The following FGF14 variants were observed in gnomAD, a reference collection of about 807,000 sequenced individuals.
The protein encoded by FGF14 is fibroblast growth factor 14.
In FGF14, 5 loss-of-function variants were observed where a neutral mutation model predicts 25.5. The ratio of observed to expected loss-of-function variants is 0.20; its 90% CI spans 0.10 to 0.41. The LOEUF (loss-of-function observed/expected upper bound fraction) is 0.41. FGF14 is among the 10% of genes least tolerant of loss of function. The pLI, the probability that FGF14 is intolerant of heterozygous loss-of-function variation, is 1.00. For missense variants in FGF14, 222 were observed against 320.1 expected, an observed-to-expected ratio of 0.69 and a Z score of 2.34; for synonymous variants, 138 against 118.3, an observed-to-expected ratio of 1.17 and a Z score of -1.08.
intron 1 of FGF14, among the ~76,000 whole-genome samples, chr13:102,137,229 C>A (rs2140439075): frequency 6.6e-6 from 1 of 152,288 alleles, no homozygotes. Flanking sequence ...TTTCAGACAT[C>A]TATCCCTCTT....
At chr13:102,052,031 C>A (rs546324808) in intron 1 of FGF14, among the ~76,000 whole-genome samples, 1 of 152,104 alleles carries the variant, frequency 6.6e-6, no homozygotes, top group East Asian at 1.9e-4. Context: ...CAATGAATTA[C>A]CAACACAAAA....
At chr13:101,977,359 C>T (rs2037991026) in intron 1 of FGF14, among the ~76,000 whole-genome samples, 1 of 152,060 alleles carries the variant, frequency 6.6e-6, no homozygotes, top group African/African-American at 2.4e-5. Context: ...TTTTCCTGAT[C>T]ATCTTTTCTA....
intron 1 of FGF14, among the ~76,000 whole-genome samples, chr13:101,895,042 C>G (rs1000672108): frequency 9.2e-5 from 14 of 152,148 alleles, no homozygotes; most frequent in African/African-American, 3.4e-4. Flanking sequence ...AAATCTGGAA[C>G]TCTTAAATTA....
chr13:101,730,257 C>A (rs1240823223), intron 3 of FGF14, among the ~76,000 whole-genome samples: 3 of 152,168 alleles, frequency 2.0e-5, no homozygotes, highest in Admixed American at 2.0e-4. Flanking sequence ...ATGTTTTCAA[C>A]CCTAATCTCT....
At chr13:101,897,578 T>C (rs1248738973) in intron 1 of FGF14, among the ~76,000 whole-genome samples, 1 of 152,194 alleles carries the variant, frequency 6.6e-6, no homozygotes, top group Non-Finnish European at 1.5e-5. Flanking sequence ...CTTTAAGAGC[T>C]AAGTCATAAT....
intron 1 of FGF14, among the ~76,000 whole-genome samples, chr13:101,983,797 T>A (rs907391536): frequency 6.6e-6 from 1 of 152,138 alleles, no homozygotes; most frequent in Non-Finnish European, 1.5e-5. Context: ...AAAAATAAGA[T>A]AAGGCCTTGG....
chr13:102,276,177 T>C (rs2053528322), intron 1 of FGF14, among the ~76,000 whole-genome samples: 1 of 151,428 alleles, frequency 6.6e-6, no homozygotes, highest in Non-Finnish European at 1.5e-5. Context: ...TGCATAATTC[T>C]GAGATAATGT....
At chr13:102,385,873 T>A (rs1319513020) in intron 1 of FGF14, among the ~76,000 whole-genome samples, 1 of 152,188 alleles carries the variant, frequency 6.6e-6, no homozygotes, top group African/African-American at 2.4e-5. Context: ...AACAAAAATT[T>A]AACCTGTGAA....
chr13:101,889,043 C>G (rs886777076), intron 1 of FGF14, among the ~76,000 whole-genome samples: 1 of 152,102 alleles, frequency 6.6e-6, no homozygotes, highest in African/African-American at 2.4e-5. Flanking sequence ...TAAAAGACCA[C>G]AGGTAGACCC....
chr13:102,252,825 C>A (rs538542351), intron 1 of FGF14, among the ~76,000 whole-genome samples: 1 of 152,100 alleles, frequency 6.6e-6, no homozygotes, highest in Non-Finnish European at 1.5e-5. Flanking sequence ...CCTTAGCTCC[C>A]CACCCCACAA....
chr13:102,105,860 G>T (rs1380133539), intron 1 of FGF14, among the ~76,000 whole-genome samples: 1 of 152,096 alleles, frequency 6.6e-6, no homozygotes, highest in Non-Finnish European at 1.5e-5. Flanking sequence ...TGCATAATGT[G>T]TTTGTTTTAA....
At chr13:102,007,469 G>A (rs2039865191) in intron 1 of FGF14, among the ~76,000 whole-genome samples, 1 of 152,146 alleles carries the variant, frequency 6.6e-6, no homozygotes, top group Non-Finnish European at 1.5e-5. Context: ...ACAAAACTGG[G>A]CAGAGTATAG....
chr13:102,137,668 A>C (rs529768644), intron 1 of FGF14, among the ~76,000 whole-genome samples: 1 of 152,228 alleles, frequency 6.6e-6, no homozygotes, highest in East Asian at 1.9e-4. Context: ...TACTCTCAAA[A>C]TGTCTTTGTT....
intron 1 of FGF14, among the ~76,000 whole-genome samples, chr13:101,987,568 T>C (rs2038659839): frequency 1.3e-5 from 2 of 152,148 alleles, no homozygotes; most frequent in Non-Finnish European, 2.9e-5. Flanking sequence ...ATCACATAAT[T>C]TATATAAGAA....
At chr13:101,768,700 A>G (rs189407547) in intron 3 of FGF14, among the ~76,000 whole-genome samples, 28 of 152,284 alleles carry the variant, frequency 1.8e-4, no homozygotes, top group Non-Finnish European at 3.4e-4. Context: ...CAAAGGAACA[A>G]AAGCAATACA....
intron 1 of FGF14, among the ~76,000 whole-genome samples, chr13:102,160,023 G>T (rs776973267): frequency 5.3e-5 from 8 of 152,124 alleles, no homozygotes; most frequent in Non-Finnish European, 1.0e-4. Flanking sequence ...TACAGCTTCA[G>T]TCTCATCTCT....
intron 1 of FGF14, among the ~76,000 whole-genome samples, chr13:102,237,390 A>G (rs1458717455): frequency 6.6e-6 from 1 of 152,196 alleles, no homozygotes; most frequent in African/African-American, 2.4e-5. Flanking sequence ...AGCCCCGGAG[A>G]GGCTCTGGAA....
chr13:102,308,459 A>C (rs1305559670), intron 1 of FGF14, among the ~76,000 whole-genome samples: 6 of 152,226 alleles, frequency 3.9e-5, no homozygotes, highest in Non-Finnish European at 4.4e-5. Context: ...AAAGGGCTTC[A>C]GTAACACATT....
intron 1 of FGF14, among the ~76,000 whole-genome samples, chr13:102,143,555 G>C (rs1318539626): frequency 1.3e-5 from 2 of 152,062 alleles, no homozygotes; most frequent in Non-Finnish European, 2.9e-5. Context: ...ATACACACTT[G>C]TTTTTCGTCT....
Sources: allele counts gnomAD v4.1 joint callset (sites outside exome capture counted in the v4.1 genomes callset), GRCh38; gene constraint gnomAD v4.1.1; transcripts MANE v1.5; gene names NCBI Gene and HGNC (gene_info 2026-07-23, HGNC 2026-07-21).